The following MAGI3 variants were observed in gnomAD, a reference collection of about 807,000 sequenced individuals.
MAGI3 encodes membrane-associated guanylate kinase, WW and PDZ domain-containing protein 3.
A neutral mutation model predicts 121.8 loss-of-function variants in MAGI3; 43 were observed. That is an observed-to-expected ratio of 0.35 (90% CI 0.28 to 0.46). The LOEUF is 0.46. MAGI3 is among the 20% of genes least tolerant of loss of function. The pLI is 1.00. For synonymous variants in MAGI3, 553 were observed against 639.3 expected (o/e 0.86, Z 2.04); for missense variants, 1,547 against 1,797.3 (o/e 0.86, Z 2.52).
chr1:113,408,222 A>C (rs1403833346), intron 1 of MAGI3, among the ~76,000 whole-genome samples: 1 of 152,154 alleles, frequency 6.6e-6, no homozygotes, highest in Non-Finnish European at 1.5e-5. Flanking sequence ...GTTTGTTTAA[A>C]AATATAATAA....
chr1:113,467,594 A>G (rs984753799), intron 1 of MAGI3, among the ~76,000 whole-genome samples: 3 of 152,128 alleles, frequency 2.0e-5, no homozygotes, highest in African/African-American at 4.8e-5. Flanking sequence ...GCACAGTGGT[A>G]TGGTCATAGC....
At chr1:113,630,058 G>C (rs938541452) in intron 9 of MAGI3, among the ~76,000 whole-genome samples, 1 of 152,046 alleles carries the variant, frequency 6.6e-6, no homozygotes, top group Non-Finnish European at 1.5e-5. Context: ...CCCAAGCCGC[G>C]AGTGGATTCA....
intron 11 of MAGI3, among the ~76,000 whole-genome samples, chr1:113,644,615 TC>T (rs1652731992): frequency 1.3e-5 from 2 of 152,290 alleles, no homozygotes; most frequent in South Asian, 4.2e-4. Flanking sequence ...ATTGTGGCCT[TC>T]TATGCTAAAT....
At chr1:113,505,128 AGGAAAAGGGAGG>A (rs1657249798) in intron 1 of MAGI3, among the ~76,000 whole-genome samples, 2 of 152,124 alleles carry the variant, frequency 1.3e-5, no homozygotes, top group African/African-American at 4.8e-5. Flanking sequence ...AGGAGTAGGA[AGGAAAAGGGAGG>A]TAGGCCCATA....
At chr1:113,568,420 G>A (rs543168649) in intron 2 of MAGI3, among the ~76,000 whole-genome samples, 1 of 152,120 alleles carries the variant, frequency 6.6e-6, no homozygotes, top group South Asian at 2.1e-4. Context: ...TACCAGTTCT[G>A]CTCAAATTGA....
intron 1 of MAGI3, among the ~76,000 whole-genome samples, chr1:113,536,730 A>G (rs1313242447): frequency 6.6e-6 from 1 of 152,178 alleles, no homozygotes; most frequent in Non-Finnish European, 1.5e-5. Context: ...TTTTCAGAAC[A>G]AAATAATTTG....
chr1:113,494,020 G>C (rs1187352317), intron 1 of MAGI3, among the ~76,000 whole-genome samples: 1 of 151,856 alleles, frequency 6.6e-6, no homozygotes, highest in Non-Finnish European at 1.5e-5. Context: ...TTCATGACTG[G>C]GTATATATCC....
chr1:113,540,169 A>AT (rs1280730148), intron 1 of MAGI3, among the ~76,000 whole-genome samples: 2 of 152,172 alleles, frequency 1.3e-5, no homozygotes, highest in Non-Finnish European at 2.9e-5. Flanking sequence ...CAGTAAAAGT[A>AT]TTTTTCTAAT....
intron 2 of MAGI3, chr1:113,577,034 T>A (rs961288723): frequency 6.6e-6 from 1 of 152,202 alleles, no homozygotes; most frequent in Non-Finnish European, 1.5e-5. Context: ...GCTATGTTGC[T>A]TAAAAATGCA....
rs5777158 is a variant in MAGI3 at position 113,405,474 on chromosome 1, CAAAAAAAAAA to C, written c.316+14144_316+14153del. Among the ~76,000 whole-genome samples the C allele has an allele frequency of 9.4e-4, 51 of 54,356 alleles. 1 individual carries two copies. Among genetic ancestry groups the C allele is most frequent in the African/African-American group, 2.7e-3 (36 of 13,380 alleles). The allele number at this position is 54,356 out of a possible 152,430, so 35.7% of individuals were successfully genotyped here. A position where few individuals can be genotyped will look rare whatever the true frequency, so the allele number is the denominator to read the frequency against. The stretch of plus-strand genomic sequence containing the variant: ...CCTGGGCAACAGAGTGAAACTGTCT[CAAAAAAAAAA>C]AAAAAAAAAAAAAAAAAAGACTGAA... On this transcript the variant is annotated intron_variant, in intron 1 of 20. Coordinates refer to ENST00000307546, the MANE Select transcript of MAGI3 (RefSeq NM_001142782.2).
chr1:113,393,857 A>G (rs763185917), intron 1 of MAGI3, among the ~76,000 whole-genome samples: 8 of 152,218 alleles, frequency 5.3e-5, no homozygotes, highest in Non-Finnish European at 8.8e-5. Context: ...AGGTATTGTA[A>G]AGTGTACTTA....
At chr1:113,602,658 A>G (rs1649478751) in intron 6 of MAGI3, among the ~76,000 whole-genome samples, 1 of 152,236 alleles carries the variant, frequency 6.6e-6, no homozygotes, top group African/African-American at 2.4e-5. Flanking sequence ...TAGGCCAGAT[A>G]CTGTGGCTCA....
At chr1:113,611,772 A>G (rs540802744) in intron 6 of MAGI3, among the ~76,000 whole-genome samples, 24 of 152,256 alleles carry the variant, frequency 1.6e-4, no homozygotes, top group African/African-American at 5.3e-4. Context: ...ACAGCACTCT[A>G]AGAATGTTGG....
intron 3 of MAGI3, among the ~76,000 whole-genome samples, chr1:113,584,137 G>A (rs1648216455): frequency 6.6e-6 from 1 of 151,948 alleles, no homozygotes. Context: ...ACTTCCTTAG[G>A]AGCTAAGGAA....
intron 1 of MAGI3, among the ~76,000 whole-genome samples, chr1:113,514,163 T>C (rs1221431179): frequency 1.3e-5 from 2 of 152,310 alleles, no homozygotes; most frequent in Admixed American, 6.5e-5. Flanking sequence ...AGGACCACTT[T>C]TACACCATTG....
intron 1 of MAGI3, among the ~76,000 whole-genome samples, chr1:113,486,831 C>T (rs1488955513): frequency 4.0e-5 from 6 of 151,632 alleles, no homozygotes; most frequent in East Asian, 3.9e-4. Flanking sequence ...TTTATTTTTT[C>T]GTGGAGACAG....
At chr1:113,565,941 A>G (rs547280811) in intron 2 of MAGI3, among the ~76,000 whole-genome samples, 4 of 152,266 alleles carry the variant, frequency 2.6e-5, no homozygotes, top group South Asian at 2.1e-4. Context: ...TTCATTTGAT[A>G]TCAGCTGATT....
chr1:113,477,824 G>T (rs1024706464), intron 1 of MAGI3, among the ~76,000 whole-genome samples: 1 of 152,094 alleles, frequency 6.6e-6, no homozygotes, highest in Non-Finnish European at 1.5e-5. Context: ...AAGAGTGTTT[G>T]CCAACTTAGT....
intron 1 of MAGI3, among the ~76,000 whole-genome samples, chr1:113,526,957 TCCC>T (rs1658482716): frequency 1.3e-5 from 2 of 152,180 alleles, no homozygotes; most frequent in African/African-American, 4.8e-5. Context: ...TTATTAAACC[TCCC>T]TATGCCTCAT....
Sources: allele counts gnomAD v4.1 joint callset (sites outside exome capture counted in the v4.1 genomes callset), GRCh38; gene constraint gnomAD v4.1.1; transcripts MANE v1.5; gene names NCBI Gene and HGNC (gene_info 2026-07-23, HGNC 2026-07-21).